GIGYF2: variants seen among roughly 807,000 people sequenced by gnomAD.
The protein encoded by GIGYF2 is GRB10 interacting GYF protein 2, also known as GRB10-interacting GYF protein 2.
In GIGYF2, 25 loss-of-function variants were observed where a neutral mutation model predicts 208.1. That is an observed-to-expected ratio of 0.12 (90% CI 0.09 to 0.17). GIGYF2 has a LOEUF of 0.17. Among genes scored for constraint, GIGYF2 ranks in the 10% least tolerant of loss-of-function variants. The pLI is 1.00. For missense variants in GIGYF2, 1,302 were observed against 1,579.4 expected (o/e 0.82, Z 2.98); for synonymous variants, 534 against 543.8 (o/e 0.98, Z 0.25).
In GIGYF2 at chr2:232,845,478, G is replaced by A. The variant is rs577216771; in HGVS notation, c.3306-254G>A. ...AGTAAAATTAAACAACTTACCTAAG[G>A]ACACGTAGGAAGAATTTCATCATTT... On this transcript the variant is annotated intron_variant, in intron 25 of 28. Transcript: ENST00000373563. 9.2e-5 allele frequency among the ~76,000 whole-genome samples: 14 copies of A among 152,214 alleles called. No homozygotes were observed. The South Asian group carries it at 2.9e-3, about 32-fold the overall frequency.
chr2:232,850,276 G>T lies in GIGYF2; in HGVS notation c.3699G>T (p.Gly1233=), dbSNP rs777767602. ...QQPQQQDSVW[G]MNHSTLHSVF... ...TTATTTCACAGGACTCTGTGTGGGG[G>T]ATGAACCACAGTACACTCCATTCAG... The change falls in exon 28 of 29, where the codon GGG becomes GGT. Residue 1233 remains glycine, a synonymous_variant. Transcript: ENST00000373563. The T allele has an allele frequency of 1.9e-6, 3 of 1,613,134 alleles. No individual in the cohort carries two copies. Among genetic ancestry groups the T allele is most frequent in the African/African-American group, 1.3e-5 (1 of 74,876 alleles).
chr2:232,851,280 A>G (rs946964399), intron 28 of GIGYF2, among the ~76,000 whole-genome samples: 1 of 152,144 alleles, frequency 6.6e-6, no homozygotes, highest in African/African-American at 2.4e-5. Context: ...ATGCCACTGC[A>G]CTCTAGCTTC....
intron 8 of GIGYF2, chr2:232,768,005 A>G: frequency 3.3e-6 from 2 of 610,130 alleles, no homozygotes; most frequent in Non-Finnish European, 5.7e-6. Flanking sequence ...AAACTTTGTA[A>G]TGTAGAGTGT....
intron 20 of GIGYF2, among the ~76,000 whole-genome samples, chr2:232,819,420 A>G (rs896790599): frequency 2.0e-5 from 3 of 152,082 alleles, no homozygotes; most frequent in African/African-American, 4.8e-5. Context: ...TCTTACCCCA[A>G]ATTTTTGGTG....
chr2:232,752,162 T>C (rs1698357980), intron 5 of GIGYF2, among the ~76,000 whole-genome samples: 1 of 152,146 alleles, frequency 6.6e-6, no homozygotes. Context: ...ATTTACCAAA[T>C]ATGTTGGAAT....
At chr2:232,721,423 C>T (rs1280413905) in intron 2 of GIGYF2, among the ~76,000 whole-genome samples, 1 of 152,152 alleles carries the variant, frequency 6.6e-6, no homozygotes, top group African/African-American at 2.4e-5. Context: ...AACTTAAGCC[C>T]ATCTGCCCTG....
chr2:232,721,381 G>A (rs913465115), intron 2 of GIGYF2, among the ~76,000 whole-genome samples: 1 of 152,110 alleles, frequency 6.6e-6, no homozygotes, highest in Non-Finnish European at 1.5e-5. Context: ...TCTCCCTCGT[G>A]TTCATAAGAT....
intron 9 of GIGYF2, among the ~76,000 whole-genome samples, chr2:232,788,835 C>A (rs752755665): frequency 3.3e-5 from 5 of 151,856 alleles, no homozygotes; most frequent in Non-Finnish European, 7.4e-5. Flanking sequence ...TCAGTCACAC[C>A]TGTGGCTGAA....
At chr2:232,765,062 T>A (rs1698900791) in intron 8 of GIGYF2, among the ~76,000 whole-genome samples, 1 of 152,222 alleles carries the variant, frequency 6.6e-6, no homozygotes, top group Non-Finnish European at 1.5e-5. Flanking sequence ...TATACTAAAA[T>A]ATCATGGTAA....
At position 232,747,594 on chromosome 2, in the gene GIGYF2, T is replaced by G. The variant is rs770221704; in HGVS notation, c.42-21T>G. The G allele has an allele frequency of 1.9e-6, 3 of 1,613,670 alleles. No homozygotes were observed. In the South Asian group the frequency reaches 3.3e-5, roughly 18 times the overall value. On this transcript the variant is annotated intron_variant, in intron 3 of 28. Transcript: ENST00000373563. ...TGTAGCACCAGAATGTTTGACATAT[T>G]CTCTGTCTTTTCTATTCTAGGCTCC...
intron 4 of GIGYF2, 150 bp downstream of exon 4, chr2:232,747,894 A>G (rs1698204553): frequency 2.7e-6 from 2 of 743,100 alleles, no homozygotes; most frequent in Non-Finnish European, 4.5e-6. Context: ...AGCCTGCAAT[A>G]GTTAACAGAG....
At chr2:232,796,031 G>A (rs902458247) in intron 13 of GIGYF2, 31 bp from the exon 14 acceptor site, 3 of 1,561,404 alleles carry the variant, frequency 1.9e-6, no homozygotes, top group South Asian at 2.2e-5. Flanking sequence ...AGGATCATTT[G>A]TTTCCTTGAT....
At chr2:232,714,975 C>T (rs1696613637) in intron 2 of GIGYF2, among the ~76,000 whole-genome samples, 1 of 152,262 alleles carries the variant, frequency 6.6e-6, no homozygotes, top group South Asian at 2.1e-4. Context: ...TGTGTGGTTT[C>T]CCTGTGTGTC....
At chr2:232,835,679 C>T (rs11884898) in intron 22 of GIGYF2, among the ~76,000 whole-genome samples, 14,131 of 152,112 alleles carry the variant, frequency 0.093, 893 homozygotes, top group East Asian at 0.17. Context: ...ATCCAGTTCT[C>T]CCCTCCTCCC....
intron 20 of GIGYF2, among the ~76,000 whole-genome samples, 164 bp from the exon 21 acceptor site, chr2:232,819,663 A>G (rs916360112): frequency 3.9e-5 from 6 of 152,100 alleles, no homozygotes; most frequent in Non-Finnish European, 7.4e-5. Flanking sequence ...CAATTCCCCA[A>G]TTTACATGTA....
At chr2:232,794,527 T>A (rs1225848346) in intron 12 of GIGYF2, among the ~76,000 whole-genome samples, 1 of 152,186 alleles carries the variant, frequency 6.6e-6, no homozygotes, top group Non-Finnish European at 1.5e-5. Flanking sequence ...GAAGCACCTT[T>A]TAGATACCTT....
intron 8 of GIGYF2, chr2:232,776,623 G>T: frequency 3.2e-6 from 2 of 632,976 alleles, no homozygotes; most frequent in Non-Finnish European, 2.9e-6. Flanking sequence ...TTCAGCTGAG[G>T]TTGATGTGAT....
At chr2:232,803,165 A>G (rs1700452468) in intron 14 of GIGYF2, among the ~76,000 whole-genome samples, 1 of 152,238 alleles carries the variant, frequency 6.6e-6, no homozygotes, top group Admixed American at 6.5e-5. Flanking sequence ...TGCTGGGATT[A>G]CTGGCGTGAG....
chr2:232,756,679 G>A lies in GIGYF2; in HGVS notation c.379+345G>A, dbSNP rs150313410. On this transcript the variant is annotated intron_variant, in intron 6 of 28. Coordinates refer to ENST00000373563, the MANE Select transcript of GIGYF2 (RefSeq NM_001103146.3). ...TCTTAACTATGGAAGCAGCACTGAA[G>A]TACCTGCAGTCCTCTGTGACAGTTT... Among the ~76,000 whole-genome samples, 69 of 152,290 alleles carry A rather than the reference G, an allele frequency of 4.5e-4. 1 individual carries two copies. The highest frequency in any genetic ancestry group is 1.3e-3 in the African/African-American group (53 of 41,564).
Sources: allele counts gnomAD v4.1 joint callset (sites outside exome capture counted in the v4.1 genomes callset), GRCh38; gene constraint gnomAD v4.1.1; transcripts MANE v1.5; gene names NCBI Gene and HGNC (gene_info 2026-07-23, HGNC 2026-07-21).